ZNF841: variants seen among roughly 807,000 people sequenced by gnomAD.
ZNF841 encodes TCONS_00006091.
Under a neutral mutation model 13.0 loss-of-function variants are expected in ZNF841, and 11 were observed. The observed-to-expected ratio is 0.85, with a 90% CI of 0.53 to 1.40. ZNF841 has a LOEUF of 1.40. ZNF841 is among the 40% of genes most tolerant of loss of function. The pLI, the probability that ZNF841 is intolerant of heterozygous loss-of-function variation, is 0.00. For missense variants in ZNF841, 1,068 were observed against 1,139.5 expected, an observed-to-expected ratio of 0.94 and a Z score of 0.90; for synonymous variants, 369 against 381.6, an observed-to-expected ratio of 0.97 and a Z score of 0.38.
intron 1 of ZNF841, among the ~76,000 whole-genome samples, chr19:52,094,457 T>G (rs546378265): frequency 6.6e-6 from 1 of 152,202 alleles, no homozygotes; most frequent in African/African-American, 2.4e-5. Flanking sequence ...CTCTTTTATG[T>G]CTGTTCTGCC....
At chr19:52,063,332 C>T (rs2087436807), downstream of ZNF841, among the ~76,000 whole-genome samples, 1 of 152,088 alleles carries the variant, frequency 6.6e-6, no homozygotes, top group South Asian at 2.1e-4. Context: ...CTCTCAAACT[C>T]CAAAAACATG....
chr19:52,059,390 TACACACACACAC>T, the ZNF841 span, among the ~76,000 whole-genome samples: 1 of 96,358 alleles, frequency 1.0e-5, no homozygotes, highest in African/African-American at 4.2e-5. Flanking sequence ...TATATATATA[TACACACACACAC>T]ACACACACAG....
chr19:52,060,386 C>T (rs1568530524), downstream of ZNF841, among the ~76,000 whole-genome samples: 1 of 152,320 alleles, frequency 6.6e-6, no homozygotes, highest in East Asian at 1.9e-4. Flanking sequence ...AGCACAAAGA[C>T]ACTTGCAAGT....
rs1568536424 is a variant in ZNF841 at position 52,067,225 on chromosome 19, T to C, written c.657A>G (p.Leu219=). 2 of 1,549,412 alleles carry C rather than the reference T, an allele frequency of 1.3e-6. No homozygotes were observed. Among genetic ancestry groups the C allele is most frequent in the Admixed American group, 4.0e-5 (2 of 50,450 alleles). The part of the protein sequence containing the change: ...QIERTVNNCF[L]ASPLQRIFPG... Reference sequence around the variant, plus strand: ...GAAAAATTCTTTGAAGTGGTGAAGCTAAAAAACAATTATTAACTGTCCTCT... The same window carrying C: ...GAAAAATTCTTTGAAGTGGTGAAGCCAAAAAACAATTATTAACTGTCCTCT... Residue 219 remains leucine (L), a synonymous_variant, in exon 7 of 7, where the codon TTA becomes TTG. Transcript: ENST00000594440.
chr19:52,091,107 T>C (rs546007414), intron 2 of ZNF841, among the ~76,000 whole-genome samples: 1 of 152,186 alleles, frequency 6.6e-6, no homozygotes, highest in Non-Finnish European at 1.5e-5. Context: ...TACTCTTTTG[T>C]CTTTGTCTTT....
intron 3 of ZNF841, among the ~76,000 whole-genome samples, chr19:52,086,649 C>T (rs9304723): frequency 2.0e-5 from 3 of 152,088 alleles, no homozygotes; most frequent in African/African-American, 7.2e-5. Context: ...TGGACAGAAA[C>T]AAGAAGAGGT....
intron 6 of ZNF841, among the ~76,000 whole-genome samples, chr19:52,070,530 C>T (rs933356533): frequency 1.1e-4 from 16 of 152,194 alleles, no homozygotes; most frequent in Non-Finnish European, 2.2e-4. Flanking sequence ...AGTAGATAAC[C>T]CTGGCACCAG....
chr19:52,066,380 G>GTGAATGTTGT lies in ZNF841; in HGVS notation c.1501_1502insACAACATTCA (p.Ala501AspfsTer19). The GTGAATGTTGT allele has an allele frequency of 6.2e-7, 1 of 1,614,054 alleles. No individual in the cohort carries two copies. On this transcript the variant is annotated frameshift_variant, in exon 7 of 7. Coordinates refer to ENST00000594440, the MANE Select transcript of ZNF841 (RefSeq NM_001136499.2). LOFTEE classifies it low-confidence loss of function (END_TRUNC). ...TCCAGTATGAACTCTCTGATGCACT[G>GTGAATGTTGT]CAAGATGTGAATGTTGACTGAAGAC...
At chr19:52,068,289 G>C (rs2087643088) in intron 6 of ZNF841, among the ~76,000 whole-genome samples, 1 of 152,122 alleles carries the variant, frequency 6.6e-6, no homozygotes, top group South Asian at 2.1e-4. Context: ...GAATGCATCT[G>C]ATCTTGTCTG....
downstream of ZNF841, among the ~76,000 whole-genome samples, chr19:52,059,713 T>C (rs868078107): frequency 5.9e-5 from 9 of 152,080 alleles, no homozygotes; most frequent in South Asian, 2.1e-4. Flanking sequence ...CAGGAGAACA[T>C]GGTCTGGAGG....
intron 6 of ZNF841, among the ~76,000 whole-genome samples, chr19:52,069,035 T>C (rs372980966): frequency 1.3e-5 from 2 of 152,166 alleles, no homozygotes; most frequent in African/African-American, 4.8e-5. Context: ...CCTACAACTA[T>C]GTAACAAACA....
chr19:52,067,761 G>A (rs1490529201), intron 6 of ZNF841, among the ~76,000 whole-genome samples, 151 bp from the exon 7 acceptor site: 2 of 152,088 alleles, frequency 1.3e-5, no homozygotes, highest in African/African-American at 4.8e-5. Flanking sequence ...AATGCAAAAT[G>A]AATAGAATTC....
In ZNF841 at chr19:52,067,135, T is replaced by C. The variant is rs1326365423; in HGVS notation, c.747A>G (p.Thr249=). 2.6e-6 allele frequency: 4 copies of C among 1,561,236 alleles called. No homozygotes were observed. The highest frequency in any genetic ancestry group is 3.5e-6 in the Non-Finnish European group (4 of 1,151,408). ...CCCTAATATGTGTTTTCTCGTCTTG[T>C]GTAGGTAACGAAAGTTGCAAAAAAT... ...GNDFLQLSLP[T]QDEKTHIREK... is the part of the protein sequence containing the mutation. Residue 249 remains threonine, a synonymous_variant, in exon 7 of 7, where the codon ACA becomes ACG. Transcript: ENST00000594440.
chr19:52,075,243 A>G (rs977351687), intron 6 of ZNF841, among the ~76,000 whole-genome samples: 1 of 152,228 alleles, frequency 6.6e-6, no homozygotes, highest in African/African-American at 2.4e-5. Flanking sequence ...GATCAGAAAG[A>G]GCCAAGGCAT....
At chr19:52,078,634 G>T (rs1303435622) in intron 4 of ZNF841, among the ~76,000 whole-genome samples, 2 of 150,946 alleles carry the variant, frequency 1.3e-5, no homozygotes, top group Non-Finnish European at 2.9e-5. Context: ...GGGAAGCAGG[G>T]CTTGCAGTGA....
chr19:52,087,675 G>GA (rs1257466583), intron 3 of ZNF841, among the ~76,000 whole-genome samples: 2 of 151,562 alleles, frequency 1.3e-5, no homozygotes, highest in Non-Finnish European at 2.9e-5. Flanking sequence ...AGGTTTAGGG[G>GA]AAAAAAAACT....
At position 52,065,803 on chromosome 19, in the gene ZNF841, A is replaced by G; in HGVS notation, c.2079T>C (p.Ser693=). The part of the protein sequence containing the change: ...CNEFGEAFIQ[S]SKLARYHRNP... Reference sequence around the variant, plus strand: ...TTCTGTGATATCTTGCAAGTTTTGAACTTTGGATAAAAGCCTCACCAAATT... The same window carrying G: ...TTCTGTGATATCTTGCAAGTTTTGAGCTTTGGATAAAAGCCTCACCAAATT... The change falls in exon 7 of 7, where the codon AGT becomes AGC. Residue 693 remains serine (S), a synonymous_variant. Transcript: ENST00000594440. 1 of 1,612,242 alleles carries G rather than the reference A, an allele frequency of 6.2e-7. No homozygotes were observed. Among genetic ancestry groups the G allele is most frequent in the East Asian group, 2.2e-5 (1 of 44,850 alleles).
downstream of ZNF841, among the ~76,000 whole-genome samples, chr19:52,062,404 G>A (rs2087419275): frequency 6.6e-6 from 1 of 152,068 alleles, no homozygotes; most frequent in African/African-American, 2.4e-5. Context: ...TTTGTCAAAG[G>A]ACACTCTGAA....
downstream of ZNF841, among the ~76,000 whole-genome samples, chr19:52,061,848 A>T (rs572825340): frequency 2.0e-5 from 3 of 152,226 alleles, 1 homozygote; most frequent in South Asian, 6.2e-4. Flanking sequence ...GCCAAACCAG[A>T]TGACCCCCTT....
Sources: gnomAD v4.1 joint callset for allele counts (sites outside exome capture counted in the v4.1 genomes callset) on GRCh38, gnomAD v4.1.1 for gene constraint, MANE v1.5 for transcripts, NCBI Gene and HGNC (gene_info 2026-07-23, HGNC 2026-07-21) for gene names.